Variants in NHSL2 observed in about 807,000 individuals in gnomAD.
The protein encoded by NHSL2 is NHS like 2, also known as NHS-like protein 2.
NHSL2 carries 27 observed loss-of-function variants against 53.4 expected under a neutral mutation model. The observed-to-expected ratio is 0.51, with a 90% CI of 0.37 to 0.70. NHSL2 has a LOEUF of 0.70. Ranked by LOEUF, NHSL2 falls within the 30% of genes least tolerant of loss-of-function variation. The pLI is 0.00. For missense variants in NHSL2, 892 were observed against 980.1 expected (o/e 0.91, Z 1.20); for synonymous variants, 408 against 404.1 (o/e 1.01, Z -0.12).
At position 72,140,065 on chromosome X, in the gene NHSL2, T is replaced by G. The variant is rs1337204660; in HGVS notation, c.2517T>G (p.Ser839=). The change falls in exon 6 of 8, where the codon TCT becomes TCG. Residue 839 remains serine (S), a synonymous_variant. Transcript: ENST00000633930. ...TTCGCCTGAGGTCGGTCAGCAAGTC[T>G]GAGCCGGAAGATGATATTGAGAGCC... ...RSVRLRSVSK[S]EPEDDIESPE... 8.3e-7 allele frequency: 1 copy of G among 1,209,558 alleles called. No individual in the cohort carries two copies. Among genetic ancestry groups the G allele is most frequent in the Non-Finnish European group, 1.1e-6 (1 of 894,197 alleles).
intron 1 of NHSL2, among the ~76,000 whole-genome samples, chrX:72,076,445 A>G: frequency 9.0e-6 from 1 of 111,591 alleles, no homozygotes; most frequent in South Asian, 3.8e-4. Flanking sequence ...TCCCAGGGTC[A>G]TGCAGCTACA....
chrX:72,037,640 C>G (rs1466843522), intron 1 of NHSL2, among the ~76,000 whole-genome samples: 2 of 111,594 alleles, frequency 1.8e-5, no homozygotes, highest in Non-Finnish European at 3.8e-5. Context: ...TGGAAGATAC[C>G]AGGCCTGTGA....
intron 1 of NHSL2, among the ~76,000 whole-genome samples, chrX:71,920,653 A>C (rs763434996): frequency 4.5e-5 from 5 of 111,797 alleles, no homozygotes; most frequent in African/African-American, 1.6e-4. Context: ...TTCCTGACTT[A>C]TTTGAACACG....
At position 72,139,733 on chromosome X, in the gene NHSL2, T is replaced by C. The variant is rs781355052; in HGVS notation, c.2185T>C (p.Ser729Pro). The C allele has an allele frequency of 1.7e-6, 2 of 1,210,597 alleles. No homozygotes were observed. Among genetic ancestry groups the C allele is most frequent in the South Asian group, 3.5e-5 (2 of 56,877 alleles). ...AACACCAACACCCACTGTTTCCATG[T>C]CCCTGACCCTGGGCCACTTACCCCC... ...SETPTPTVSM[S>P]LTLGHLPPPS... The change falls in exon 6 of 8, where the codon TCC becomes CCC. Residue 729 changes from serine (S) to proline (P), a missense_variant. Coordinates refer to ENST00000633930, the MANE Select transcript of NHSL2 (RefSeq NM_001013627.3).
intron 1 of NHSL2, among the ~76,000 whole-genome samples, chrX:71,983,485 C>T (rs1239600052): frequency 9.3e-6 from 1 of 107,430 alleles, no homozygotes; most frequent in Non-Finnish European, 1.9e-5. Context: ...GTGGCACACA[C>T]CTGAAGTTCC....
chrX:72,044,110 G>A (rs778180983), intron 1 of NHSL2, among the ~76,000 whole-genome samples: 22 of 111,989 alleles, frequency 2.0e-4, no homozygotes, highest in Non-Finnish European at 3.4e-4. Flanking sequence ...AGAGGATGGA[G>A]CTGAGGAAAC....
At chrX:71,968,103 G>A (rs1326615876) in intron 1 of NHSL2, among the ~76,000 whole-genome samples, 2 of 108,472 alleles carry the variant, frequency 1.8e-5, no homozygotes, top group Non-Finnish European at 3.8e-5. Flanking sequence ...CTCAAGCAAT[G>A]TTCCTGCCTC....
chrX:72,100,341 T>G (rs1051898817), intron 1 of NHSL2, among the ~76,000 whole-genome samples: 1 of 112,555 alleles, frequency 8.9e-6, no homozygotes, highest in African/African-American at 3.2e-5. Flanking sequence ...AGCACGTGAC[T>G]GTGCTGAATA....
intron 1 of NHSL2, among the ~76,000 whole-genome samples, chrX:72,064,715 C>T (rs955234192): frequency 1.3e-4 from 15 of 112,276 alleles, no homozygotes; most frequent in African/African-American, 4.5e-4. Context: ...TTGCTTCTTT[C>T]GGGCCTCAGA....
chrX:72,055,653 C>T (rs917730790), intron 1 of NHSL2, among the ~76,000 whole-genome samples: 8 of 111,918 alleles, frequency 7.1e-5, no homozygotes, highest in East Asian at 2.8e-4. Context: ...GTGAAGAAGT[C>T]GTGATAGAAA....
At chrX:72,044,011 C>G (rs1206400933) in intron 1 of NHSL2, among the ~76,000 whole-genome samples, 1 of 111,901 alleles carries the variant, frequency 8.9e-6, no homozygotes, top group East Asian at 2.8e-4. Context: ...GAAGCTTGGT[C>G]CCTGTCCTGA....
chrX:71,942,966 CTCTCTCTGTGTG>C (rs2041773979), intron 1 of NHSL2, among the ~76,000 whole-genome samples: 1 of 31,544 alleles, frequency 3.2e-5, no homozygotes, highest in African/African-American at 9.2e-5. Context: ...CTCTCTCTCT[CTCTCTCTGTGTG>C]TGTGTGTGTG....
intron 1 of NHSL2, among the ~76,000 whole-genome samples, chrX:72,058,254 T>C (rs773288573): frequency 8.9e-6 from 1 of 112,987 alleles, no homozygotes; most frequent in South Asian, 3.6e-4. Context: ...TTACCAAAGA[T>C]AAAACTTGAA....
chrX:71,990,278 C>T (rs2042021825), intron 1 of NHSL2, among the ~76,000 whole-genome samples: 1 of 111,815 alleles, frequency 8.9e-6, no homozygotes, highest in Admixed American at 9.4e-5. Context: ...CTCAATTTTC[C>T]ATACTGAGGA....
chrX:72,123,433 C>T (rs1292010167), intron 1 of NHSL2, among the ~76,000 whole-genome samples: 2 of 111,771 alleles, frequency 1.8e-5, no homozygotes, highest in East Asian at 5.6e-4. Context: ...CAAAGGCCCA[C>T]GGCCCCCACC....
At chrX:71,999,483 A>T (rs1028905067) in intron 1 of NHSL2, among the ~76,000 whole-genome samples, 16 of 112,308 alleles carry the variant, frequency 1.4e-4, no homozygotes, top group Non-Finnish European at 3.8e-5. Flanking sequence ...ATCATTAAAA[A>T]TTAAATTATA....
chrX:72,073,813 A>T (rs556317825), intron 1 of NHSL2, among the ~76,000 whole-genome samples: 311 of 112,611 alleles, frequency 2.8e-3, no homozygotes, highest in Middle Eastern at 9.2e-3. Flanking sequence ...TGTGACAGGC[A>T]TTAGTAACCC....
At chrX:72,125,646 A>G (rs968776120) in intron 1 of NHSL2, among the ~76,000 whole-genome samples, 1 of 112,007 alleles carries the variant, frequency 8.9e-6, no homozygotes, top group African/African-American at 3.3e-5. Flanking sequence ...CTCTGGCCAT[A>G]ACACAATCTG....
chrX:72,060,640 G>T (rs2042394437), intron 1 of NHSL2, among the ~76,000 whole-genome samples: 2 of 112,143 alleles, frequency 1.8e-5, no homozygotes, highest in Non-Finnish European at 3.8e-5. Context: ...CGGACCCCTG[G>T]TTACCTAGAA....
Sources: gnomAD v4.1 joint callset for allele counts (sites outside exome capture counted in the v4.1 genomes callset) on GRCh38, gnomAD v4.1.1 for gene constraint, MANE v1.5 for transcripts, NCBI Gene and HGNC (gene_info 2026-07-23, HGNC 2026-07-21) for gene names.